CUBN: variants seen among roughly 807,000 people sequenced by gnomAD.
CUBN encodes cubilin.
CUBN carries 282 observed loss-of-function variants against 405.3 expected under a neutral mutation model. The ratio of observed to expected loss-of-function variants is 0.70; its 90% confidence interval spans 0.63 to 0.77. CUBN has a LOEUF of 0.77. CUBN is among the 30% of genes least tolerant of loss of function. The pLI, the probability that CUBN is intolerant of heterozygous loss-of-function variation, is 0.00. For synonymous variants in CUBN, 1,684 were observed against 1,617.0 expected (o/e 1.04, Z -0.99); for missense variants, 4,514 against 4,475.2 (o/e 1.01, Z -0.25).
intron 12 of CUBN, 48 bp downstream of exon 12, chr10:17,104,371 C>T: frequency 2.5e-6 from 4 of 1,573,560 alleles, no homozygotes; most frequent in African/African-American, 1.3e-5. Context: ...CTAAAGGATG[C>T]TGCTGCTATG....
At chr10:16,868,414 G>T (rs1264814524) in intron 59 of CUBN, among the ~76,000 whole-genome samples, 1 of 152,142 alleles carries the variant, frequency 6.6e-6, no homozygotes, top group East Asian at 1.9e-4. Flanking sequence ...AGTGAATCAG[G>T]GTTATTATTA....
At chr10:16,868,768 C>G (rs112771003) in intron 59 of CUBN, among the ~76,000 whole-genome samples, 264 of 152,224 alleles carry the variant, frequency 1.7e-3, no homozygotes, top group Non-Finnish European at 3.4e-3. Flanking sequence ...ACTTTACCTA[C>G]CCCCGCTACA....
chr10:17,053,442 A>G (rs957205598), intron 22 of CUBN, among the ~76,000 whole-genome samples: 2 of 152,102 alleles, frequency 1.3e-5, no homozygotes, highest in South Asian at 2.1e-4. Flanking sequence ...AATATCAAAC[A>G]AAAGTGACTT....
intron 22 of CUBN, among the ~76,000 whole-genome samples, chr10:17,053,312 C>T (rs887914368): frequency 4.0e-5 from 6 of 151,738 alleles, no homozygotes; most frequent in Non-Finnish European, 7.4e-5. Flanking sequence ...TTTTACTATG[C>T]ATGCACATTA....
At position 16,840,562 on chromosome 10, in the gene CUBN, G is replaced by T. The variant is rs78729515; in HGVS notation, c.9827-27C>A. On this transcript the variant is annotated intron_variant, in intron 61 of 66. Coordinates refer to ENST00000377833, the MANE Select transcript of CUBN (RefSeq NM_001081.4). ...TGGAGAGGGAGGAAAAAGCAACACA[G>T]GAGACATTTTATTCATGTCTCATCT... 233 of 1,525,672 alleles carry T rather than the reference G, an allele frequency of 1.5e-4. 2 individuals carry two copies. In the East Asian group the frequency reaches 3.1e-3, roughly 20 times the overall value. The allele number at this position is 1,525,672 out of a possible 1,614,324, so 94.5% of individuals were successfully genotyped here.
At chr10:17,047,276 CTTTA>C in intron 23 of CUBN, 134 bp downstream of exon 23, 1 of 661,164 alleles carries the variant, frequency 1.5e-6, no homozygotes, top group East Asian at 2.8e-5. Context: ...AAATGACAAA[CTTTA>C]TTTCTTGCAA....
chr10:16,976,758 C>A lies in CUBN; in HGVS notation c.4695+5726G>T, dbSNP rs374356661. 9.2e-5 allele frequency among the ~76,000 whole-genome samples: 14 copies of A among 152,114 alleles called. No homozygotes were observed. The East Asian group carries it at 2.5e-3, about 27-fold the overall frequency. ...ATTTTTCATCCTTTTTTTATCCATA[C>A]TTTTTTCTGAGTAGATTCTTGACTT... On this transcript the variant is annotated intron_variant, in intron 31 of 66. Coordinates refer to ENST00000377833, the MANE Select transcript of CUBN (RefSeq NM_001081.4).
In CUBN at chr10:16,925,224, T is replaced by G; in HGVS notation, c.6646+17A>C. On this transcript the variant is annotated intron_variant, in intron 43 of 66. Coordinates refer to ENST00000377833, the MANE Select transcript of CUBN (RefSeq NM_001081.4). The stretch of plus-strand genomic sequence containing the variant: ...ATTGCAGGAAAAGCAGATATAATTC[T>G]CAGTGAAAATACTTACCTAAACTCT... 6.3e-7 allele frequency: 1 copy of G among 1,599,342 alleles called. No homozygotes were observed. The highest frequency in any genetic ancestry group is 8.6e-7 in the Non-Finnish European group (1 of 1,166,804).
intron 28 of CUBN, among the ~76,000 whole-genome samples, chr10:17,008,353 T>G (rs575907432): frequency 0.031 from 4,209 of 136,118 alleles, 90 homozygotes; most frequent in Non-Finnish European, 0.046. Context: ...TGTGTGTGTG[T>G]GGTGTGTGTG....
intron 6 of CUBN, among the ~76,000 whole-genome samples, chr10:17,121,710 A>T (rs1419185760): frequency 3.3e-5 from 5 of 151,890 alleles, no homozygotes; most frequent in East Asian, 1.9e-4. Flanking sequence ...AATAAAATTT[A>T]AAAAAAATAG....
chr10:17,114,214 T>C, intron 7 of CUBN, 25 bp from the exon 8 acceptor site: 3 of 1,612,152 alleles, frequency 1.9e-6, no homozygotes, highest in Non-Finnish European at 2.5e-6. Context: ...ACAGCGTGAA[T>C]AAAGACAATC....
At chr10:16,933,453 C>T (rs1270597881) in intron 39 of CUBN, among the ~76,000 whole-genome samples, 169 bp from the exon 40 acceptor site, 2 of 152,190 alleles carry the variant, frequency 1.3e-5, no homozygotes, top group Non-Finnish European at 2.9e-5. Context: ...CGGAAAGCTG[C>T]AATTTCCGCA....
intron 29 of CUBN, among the ~76,000 whole-genome samples, chr10:16,988,527 G>A (rs1486130583): frequency 6.6e-6 from 1 of 152,128 alleles, no homozygotes; most frequent in East Asian, 1.9e-4. Flanking sequence ...GATAGAAATG[G>A]TAAGTCTTTT....
intron 17 of CUBN, among the ~76,000 whole-genome samples, chr10:17,074,784 A>T (rs1222375286): frequency 1.3e-5 from 2 of 152,168 alleles, no homozygotes; most frequent in African/African-American, 4.8e-5. Context: ...ATGTGATTTT[A>T]TTCTGTTACT....
At chr10:16,938,878 G>T in intron 38 of CUBN, 85 bp downstream of exon 38, 1 of 1,222,766 alleles carries the variant, frequency 8.2e-7, no homozygotes, top group Non-Finnish European at 1.2e-6. Flanking sequence ...ATTTGCAAAT[G>T]CTTGAATAGA....
At chr10:16,951,136 A>G (rs1842911827) in intron 33 of CUBN, among the ~76,000 whole-genome samples, 1 of 152,160 alleles carries the variant, frequency 6.6e-6, no homozygotes, top group African/African-American at 2.4e-5. Flanking sequence ...ATGCTTTACA[A>G]CTCATTAGAA....
chr10:16,837,536 A>G (rs865868808), intron 62 of CUBN, among the ~76,000 whole-genome samples: 11 of 152,044 alleles, frequency 7.2e-5, no homozygotes, highest in African/African-American at 2.7e-4. Flanking sequence ...AACCCTTTAG[A>G]GGTTTCTGTG....
chr10:16,955,212 A>C (rs1843021839), intron 31 of CUBN, among the ~76,000 whole-genome samples: 1 of 151,896 alleles, frequency 6.6e-6, no homozygotes, highest in Non-Finnish European at 1.5e-5. Context: ...TCTCTAATAA[A>C]AAATACACAA....
chr10:16,896,355 A>G (rs1288316013), intron 54 of CUBN, among the ~76,000 whole-genome samples: 3 of 152,072 alleles, frequency 2.0e-5, no homozygotes, highest in Admixed American at 6.5e-5. Context: ...TAGGTTTCCT[A>G]GTGATAATTT....
Sources: gnomAD v4.1 joint callset for allele counts (sites outside exome capture counted in the v4.1 genomes callset) on GRCh38, gnomAD v4.1.1 for gene constraint, MANE v1.5 for transcripts, NCBI Gene and HGNC (gene_info 2026-07-23, HGNC 2026-07-21) for gene names.